The following TSGA10 variants were observed in gnomAD, a reference collection of about 807,000 sequenced individuals.
TSGA10 encodes testis-specific gene 10 protein.
TSGA10 carries 43 observed loss-of-function variants against 96.6 expected under a neutral mutation model. The observed-to-expected ratio is 0.44, with a 90% CI of 0.35 to 0.57. The LOEUF is 0.57. Ranked by LOEUF, TSGA10 falls within the 20% of genes least tolerant of loss-of-function variation. TSGA10 has a pLI of 0.01. For synonymous variants in TSGA10, 229 were observed against 269.9 expected (o/e 0.85, Z 1.48); for missense variants, 703 against 834.4 (o/e 0.84, Z 1.94).
At chr2:99,040,137 A>T (rs1335943100) in intron 16 of TSGA10, among the ~76,000 whole-genome samples, 1 of 152,230 alleles carries the variant, frequency 6.6e-6, no homozygotes, top group African/African-American at 2.4e-5. Context: ...AATAAAAGCC[A>T]TCTATGACAA....
At chr2:99,002,107 C>T (rs552594489) in intron 20 of TSGA10, among the ~76,000 whole-genome samples, 8 of 152,158 alleles carry the variant, frequency 5.3e-5, no homozygotes, top group South Asian at 2.1e-4. Context: ...CAAGGCAGGC[C>T]GACATTCAAA....
At chr2:99,087,224 A>G (rs1239134707) in intron 10 of TSGA10, among the ~76,000 whole-genome samples, 1 of 151,262 alleles carries the variant, frequency 6.6e-6, no homozygotes, top group Non-Finnish European at 1.5e-5. Context: ...AATTTTTTTT[A>G]GGCCAGGCAC....
intron 1 of TSGA10, among the ~76,000 whole-genome samples, chr2:99,136,009 CAA>C (rs56120844): frequency 4.0e-5 from 5 of 125,748 alleles, no homozygotes; most frequent in Non-Finnish European, 6.6e-5. Flanking sequence ...GACTTCGTAC[CAA>C]AAAAAAAAAA....
intron 17 of TSGA10, among the ~76,000 whole-genome samples, chr2:99,034,661 C>T (rs1004526708): frequency 5.3e-5 from 8 of 152,086 alleles, no homozygotes; most frequent in Non-Finnish European, 1.0e-4. Flanking sequence ...CTGAGTATCT[C>T]CTTGTGTACT....
chr2:99,105,521 T>C lies in TSGA10; in HGVS notation c.381+6A>G. On this transcript the variant is annotated splice_donor_region_variant and intron_variant, in intron 8 of 20. Transcript: ENST00000393483. ...ATATATTCACGTAAATAAAATCCTTTCCAACCTTTAGCCTCTCCCTTAGAC... is the reference window on the plus strand; with the variant it reads ...ATATATTCACGTAAATAAAATCCTTCCCAACCTTTAGCCTCTCCCTTAGAC... 6.2e-7 allele frequency: 1 copy of C among 1,613,760 alleles called. No homozygotes were observed.
rs566447650 is a variant in TSGA10 at position 99,047,377 on chromosome 2, T to C, written c.1405-11938A>G. On this transcript the variant is annotated intron_variant, in intron 16 of 20. Coordinates refer to ENST00000393483, the MANE Select transcript of TSGA10 (RefSeq NM_025244.4). ...AGTACGTCAGAAAGCTTATCCACCA[T>C]GATCAAGCGGGCTTCATCCCTGGGA... Among the ~76,000 whole-genome samples, 3 of 152,314 alleles carry C rather than the reference T, an allele frequency of 2.0e-5. No homozygotes were observed. The South Asian group carries it at 6.2e-4, about 32-fold the overall frequency.
At chr2:99,028,458 T>C (rs2080843548) in intron 17 of TSGA10, among the ~76,000 whole-genome samples, 1 of 152,232 alleles carries the variant, frequency 6.6e-6, no homozygotes, top group South Asian at 2.1e-4. Context: ...CTAGTTACTG[T>C]TGTATGTGTG....
intron 10 of TSGA10, chr2:99,102,328 G>A: frequency 6.2e-7 from 1 of 1,611,984 alleles, no homozygotes; most frequent in Non-Finnish European, 8.5e-7. Context: ...AGTGGTGAGA[G>A]TGAGAGGGGT....
chr2:99,087,201 C>T (rs1420780698), intron 10 of TSGA10, among the ~76,000 whole-genome samples: 1 of 149,602 alleles, frequency 6.7e-6, no homozygotes, highest in Non-Finnish European at 1.5e-5. Flanking sequence ...AACACTCCGT[C>T]TCAAAAAAAA....
At chr2:99,102,575 T>C (rs968848336) in intron 10 of TSGA10, 10 of 1,614,064 alleles carry the variant, frequency 6.2e-6, no homozygotes, top group Non-Finnish European at 8.5e-6. Context: ...CTGTGTCAGA[T>C]ATGATTATGG....
At chr2:99,005,777 A>G (rs1423226813) in intron 20 of TSGA10, among the ~76,000 whole-genome samples, 2 of 152,230 alleles carry the variant, frequency 1.3e-5, no homozygotes, top group East Asian at 1.9e-4. Context: ...TTCTTCACAG[A>G]ATTGGAAAAA....
intron 20 of TSGA10, among the ~76,000 whole-genome samples, chr2:99,006,894 A>C (rs1032030359): frequency 2.0e-5 from 3 of 152,178 alleles, no homozygotes; most frequent in South Asian, 2.1e-4. Flanking sequence ...TGGAACCAAC[A>C]CAAATGTCCA....
intron 17 of TSGA10, among the ~76,000 whole-genome samples, chr2:99,031,893 G>A (rs1433065514): frequency 6.6e-6 from 1 of 152,188 alleles, no homozygotes; most frequent in Non-Finnish European, 1.5e-5. Flanking sequence ...ATCTGAGGTG[G>A]AGCTGAGGCA....
At chr2:99,051,749 AT>A (rs1453883026) in intron 16 of TSGA10, among the ~76,000 whole-genome samples, 3 of 152,036 alleles carry the variant, frequency 2.0e-5, no homozygotes, top group African/African-American at 7.2e-5. Flanking sequence ...AAATCAAGAA[AT>A]TTTTTTAAGC....
Position 99,150,478 on chromosome 2 carries a change from T to C in TSGA10, c.-621+4215A>G, listed in dbSNP as rs79594465. On this transcript the variant is annotated intron_variant, in intron 1 of 20. Transcript: ENST00000393483. ...TTCACTTGTTACTTTTTTTTTTTTT[T>C]TCAGTAATCAAGTTGAAGAAACACT... 31 of 1,484,374 alleles carry C rather than the reference T, an allele frequency of 2.1e-5. 1 individual carries two copies. The African/African-American group carries it at 2.8e-4, about 14-fold the overall frequency. 92.0% of individuals were successfully genotyped at this position (1,484,374 alleles called of 1,614,324 possible).
At chr2:99,089,726 C>T (rs1415964885) in intron 10 of TSGA10, among the ~76,000 whole-genome samples, 2 of 152,166 alleles carry the variant, frequency 1.3e-5, no homozygotes, top group East Asian at 1.9e-4. Context: ...GGGAACCACA[C>T]TCCCATCCCC....
chr2:99,125,314 T>C (rs1264928654), intron 2 of TSGA10: 2 of 152,232 alleles, frequency 1.3e-5, no homozygotes, highest in Admixed American at 6.5e-5. Context: ...TTGGCAATTA[T>C]AATAATGCTG....
rs904626409 is a variant in TSGA10, at chr2:99,154,871, T to C, written c.-799A>G. 5.9e-5 allele frequency: 21 copies of C among 356,472 alleles called. No homozygotes were observed. Among genetic ancestry groups the C allele is most frequent in the Admixed American group, 1.1e-4 (3 of 27,148 alleles). 22.1% of individuals were successfully genotyped at this position (356,472 alleles called of 1,614,324 possible). A position where few individuals can be genotyped will look rare whatever the true frequency, so the allele number is the denominator to read the frequency against. ...CTGCGGGCTGCCGGGACCCCACGGC[T>C]CCGCAGGCGGAGAGACTAGGCGCGA... On this transcript the variant is annotated 5_prime_UTR_variant, in exon 1 of 21. Coordinates refer to ENST00000393483, the MANE Select transcript of TSGA10 (RefSeq NM_025244.4).
intron 16 of TSGA10, among the ~76,000 whole-genome samples, chr2:99,051,189 T>C (rs1001029114): frequency 3.3e-5 from 5 of 152,116 alleles, no homozygotes; most frequent in Non-Finnish European, 5.9e-5. Context: ...AGCAATTTAA[T>C]CACAAAAACT....
Sources: allele counts gnomAD v4.1 joint callset (sites outside exome capture counted in the v4.1 genomes callset), GRCh38; gene constraint gnomAD v4.1.1; transcripts MANE v1.5; gene names NCBI Gene and HGNC (gene_info 2026-07-23, HGNC 2026-07-21).